Variants in MTR observed in about 807,000 individuals in gnomAD.
MTR encodes the protein methionine synthase.
MTR carries 84 observed loss-of-function variants against 154.8 expected under a neutral mutation model. That is an observed-to-expected ratio of 0.54 (90% CI 0.45 to 0.65). MTR has a LOEUF of 0.65. Among genes scored for constraint, MTR ranks in the 30% least tolerant of loss-of-function variants. The pLI is 0.00. For missense variants in MTR, 1,275 were observed against 1,570.2 expected, an observed-to-expected ratio of 0.81 and a Z score of 3.18; for synonymous variants, 554 against 553.9, an observed-to-expected ratio of 1.00 and a Z score of 0.00.
In MTR at chr1:236,829,866, T is replaced by C. The variant is rs1165895808; in HGVS notation, c.1075+598T>C. On this transcript the variant is annotated intron_variant, in intron 12 of 32. Coordinates refer to ENST00000366577, the MANE Select transcript of MTR (RefSeq NM_000254.3). ...GTCATCAGGCCAATTGTTAGAAAAA[T>C]AACTTTAAATTTCATATTTTTGCTT... 2.0e-5 allele frequency among the ~76,000 whole-genome samples: 3 copies of C among 152,156 alleles called. No homozygotes were observed. The East Asian group carries it at 5.8e-4, about 29-fold the overall frequency.
intron 15 of MTR, among the ~76,000 whole-genome samples, chr1:236,846,141 CTA>C (rs1471977018): frequency 6.6e-6 from 1 of 152,154 alleles, no homozygotes; most frequent in African/African-American, 2.4e-5. Context: ...GAAAACATTT[CTA>C]TGTTTTTTGT....
At chr1:236,893,647 GA>G (rs1265875390) in intron 29 of MTR, among the ~76,000 whole-genome samples, 2 of 152,300 alleles carry the variant, frequency 1.3e-5, no homozygotes, top group East Asian at 3.9e-4. Flanking sequence ...AATATTTATT[GA>G]TTTTTTTAAT....
rs551031254 is a variant in MTR at position 236,880,460 on chromosome 1, C to T, written c.2595-295C>T. 7.2e-5 allele frequency among the ~76,000 whole-genome samples: 11 copies of T among 152,276 alleles called. No homozygotes were observed. The South Asian group carries it at 2.1e-3, about 29-fold the overall frequency. On this transcript the variant is annotated intron_variant, in intron 24 of 32. Transcript: ENST00000366577. ...GGGCCTGGTTACCTCCCTTAAGTCA[C>T]GTGGGCTGCGAATGAGCACCAGGTC... is the stretch of plus-strand genomic sequence containing the variant.
intron 18 of MTR, among the ~76,000 whole-genome samples, chr1:236,857,910 A>G (rs932828124): frequency 1.3e-5 from 2 of 152,224 alleles, no homozygotes; most frequent in Non-Finnish European, 2.9e-5. Flanking sequence ...GGTAGAGTGC[A>G]GTGCTGGTGG....
In MTR at chr1:236,897,631, A is replaced by G; in HGVS notation, c.3785A>G (p.Tyr1262Cys). Reference sequence around the variant, plus strand: ...AAATGGCTTGGACCCATTTTGGGATATGATACAGACTAACTTTTTTTTTTT... The same window carrying G: ...AAATGGCTTGGACCCATTTTGGGATGTGATACAGACTAACTTTTTTTTTTT... Reference protein sequence around the residue: ...VEKWLGPILGYDTD With the variant: ...VEKWLGPILGCDTD The change falls in exon 33 of 33, where the codon TAT becomes TGT. Residue 1262 changes from tyrosine (Y) to cysteine (C), a missense_variant. Physicochemically the swap from Tyr to Cys is radical, Grantham distance 194. Coordinates refer to ENST00000366577, the MANE Select transcript of MTR (RefSeq NM_000254.3). 6.2e-7 allele frequency: 1 copy of G among 1,609,132 alleles called. No homozygotes were observed. The highest frequency in any genetic ancestry group is 8.5e-7 in the Non-Finnish European group (1 of 1,176,228).
chr1:236,825,522 TTAGC>T, intron 10 of MTR, 123 bp downstream of exon 10: 1 of 1,012,574 alleles, frequency 9.9e-7, no homozygotes, highest in Non-Finnish European at 1.6e-6. Context: ...AAAGAAAAGT[TTAGC>T]TATCCCAAAT....
rs763802762 is a variant in MTR, at chr1:236,874,570, C to CA, written c.2474-141dup. Among the ~76,000 whole-genome samples, 197 of 119,386 alleles carry CA rather than the reference C, an allele frequency of 1.7e-3. 1 individual carries two copies. The highest frequency in any genetic ancestry group is 4.4e-3 in the Middle Eastern group (1 of 228). The allele number at this position is 119,386 out of a possible 152,430, so 78.3% of individuals were successfully genotyped here. A position where few individuals can be genotyped will look rare whatever the true frequency, so the allele number is the denominator to read the frequency against. ...TGGGCAACCGAATGAGACTCCATCTCAAAAAAAAAAAAAAAGAATTAGGAA... is the reference window on the plus strand; with the variant it reads ...TGGGCAACCGAATGAGACTCCATCTCAAAAAAAAAAAAAAAAGAATTAGGAA... On this transcript the variant is annotated intron_variant, in intron 23 of 32. Coordinates refer to ENST00000366577, the MANE Select transcript of MTR (RefSeq NM_000254.3).
chr1:236,808,799 GC>G, intron 4 of MTR, 26 bp downstream of exon 4: 8 of 1,607,010 alleles, frequency 5.0e-6, no homozygotes, highest in Non-Finnish European at 6.8e-6. Flanking sequence ...CTCTTTTTTT[GC>G]ACACGTGGTT....
At chr1:236,872,455 C>T (rs1277819915) in intron 22 of MTR, among the ~76,000 whole-genome samples, 1 of 152,156 alleles carries the variant, frequency 6.6e-6, no homozygotes, top group Non-Finnish European at 1.5e-5. Flanking sequence ...ACCTCTTTTT[C>T]ATGATCTTCC....
chr1:236,868,805 G>A (rs1036191972), intron 22 of MTR, among the ~76,000 whole-genome samples: 12 of 152,302 alleles, frequency 7.9e-5, no homozygotes, highest in Admixed American at 5.9e-4. Flanking sequence ...ACTGTATAAT[G>A]TTGGAACGTT....
At chr1:236,869,176 T>G (rs563549111) in intron 22 of MTR, among the ~76,000 whole-genome samples, 8 of 152,336 alleles carry the variant, frequency 5.3e-5, no homozygotes, top group African/African-American at 1.7e-4. Flanking sequence ...TGCAGTTTTA[T>G]TTTCCTTTTT....
chr1:236,882,033 A>G (rs755898051), intron 25 of MTR, among the ~76,000 whole-genome samples: 10 of 152,260 alleles, frequency 6.6e-5, no homozygotes, highest in Non-Finnish European at 1.5e-4. Context: ...ATTCTCCTTC[A>G]TTAAAAAGGA....
chr1:236,894,017 A>C (rs1666479927), intron 29 of MTR, among the ~76,000 whole-genome samples: 1 of 151,660 alleles, frequency 6.6e-6, no homozygotes, highest in Non-Finnish European at 1.5e-5. Context: ...TTTTTTTTAA[A>C]CCGTGACTTT....
Position 236,897,854 on chromosome 1 carries a change from T to C in MTR, c.*210T>C. On this transcript the variant is annotated 3_prime_UTR_variant, in exon 33 of 33. Coordinates refer to ENST00000366577, the MANE Select transcript of MTR (RefSeq NM_000254.3). ...AACAGGCGCTGTTTTTTTGGGACCT[T>C]GCGTGAAGAGCAGTGAGCAGGGTTC... The C allele has an allele frequency of 1.7e-6, 1 of 584,604 alleles. No individual in the cohort carries two copies. Among genetic ancestry groups the C allele is most frequent in the Non-Finnish European group, 3.0e-6 (1 of 331,864 alleles). The allele number at this position is 584,604 out of a possible 1,614,324, so 36.2% of individuals were successfully genotyped here. A position where few individuals can be genotyped will look rare whatever the true frequency, so the allele number is the denominator to read the frequency against.
rs770936844 is a variant in MTR, at chr1:236,824,108, T to G, written c.765-11T>G. The stretch of plus-strand genomic sequence containing the variant: ...GATGATGCTTTTAATATGTTTTTTC[T>G]GTTTTTCTAGCATTGGATTAAATTG... On this transcript the variant is annotated splice_polypyrimidine_tract_variant and intron_variant, in intron 8 of 32. Transcript: ENST00000366577. 1.2e-6 allele frequency: 2 copies of G among 1,606,386 alleles called. No individual in the cohort carries two copies. The highest frequency in any genetic ancestry group is 1.1e-5 in the South Asian group (1 of 90,912).
At chr1:236,894,942 T>A in intron 30 of MTR, 1 of 351,038 alleles carries the variant, frequency 2.8e-6, no homozygotes, top group Non-Finnish European at 5.3e-6. Context: ...TATAGATTCT[T>A]CATCTTCCTC....
At position 236,897,573 on chromosome 1, in the gene MTR, T is replaced by C. The variant is rs973359071; in HGVS notation, c.3727T>C (p.Leu1243=). 2.5e-6 allele frequency: 4 copies of C among 1,614,084 alleles called. No homozygotes were observed. The highest frequency in any genetic ancestry group is 3.4e-6 in the Non-Finnish European group (4 of 1,179,964). ...TCTTTTGCAGGTTGAGGATTATGCA[T>C]TGAGGAAGAACATATCTGTGGCTGA... is the stretch of plus-strand genomic sequence containing the variant. ...ISKDQVEDYA[L]RKNISVAEVE... The change falls in exon 33 of 33, where the codon TTG becomes CTG. Residue 1243 remains leucine, a synonymous_variant. Coordinates refer to ENST00000366577, the MANE Select transcript of MTR (RefSeq NM_000254.3).
At chr1:236,858,419 G>T (rs60840458) in intron 18 of MTR, among the ~76,000 whole-genome samples, 1 of 152,068 alleles carries the variant, frequency 6.6e-6, no homozygotes, top group African/African-American at 2.4e-5. Flanking sequence ...GGAATTGTGG[G>T]AGCTACAATT....
rs1374216724 is a variant in MTR, at chr1:236,875,550, C to T, written c.2594+704C>T. The stretch of plus-strand genomic sequence containing the variant: ...TTATGCCATGTACAGTTCACTTTCT[C>T]AGCATTATCATACTGGAACATTGAA... On this transcript the variant is annotated intron_variant, in intron 24 of 32. Coordinates refer to ENST00000366577, the MANE Select transcript of MTR (RefSeq NM_000254.3). 2.6e-5 allele frequency among the ~76,000 whole-genome samples: 4 copies of T among 152,244 alleles called. No individual in the cohort carries two copies. The East Asian group carries it at 7.7e-4, about 29-fold the overall frequency.
Sources: gnomAD v4.1 joint callset for allele counts (sites outside exome capture counted in the v4.1 genomes callset) on GRCh38, gnomAD v4.1.1 for gene constraint, MANE v1.5 for transcripts, NCBI Gene and HGNC (gene_info 2026-07-23, HGNC 2026-07-21) for gene names.